The following CSMD1 variants were observed in gnomAD, a reference collection of about 807,000 sequenced individuals.
CSMD1 encodes the protein CUB and Sushi multiple domains 1.
CSMD1 carries 213 observed loss-of-function variants against 417.5 expected under a neutral mutation model. That is an observed-to-expected ratio of 0.51 (90% CI 0.46 to 0.57). The LOEUF is 0.57. Ranked by LOEUF, CSMD1 falls within the 20% of genes least tolerant of loss-of-function variation. The pLI is 0.00. For missense variants in CSMD1, 6,923 were observed against 4,529.7 expected, an observed-to-expected ratio of 1.53 and a Z score of -15.17; for synonymous variants, 2,862 against 1,736.8, an observed-to-expected ratio of 1.65 and a Z score of -16.11.
intron 3 of CSMD1, among the ~76,000 whole-genome samples, chr8:4,079,889 C>T (rs1189768535): frequency 6.6e-6 from 1 of 151,998 alleles, no homozygotes; most frequent in Non-Finnish European, 1.5e-5. Context: ...TAGGCTGGGG[C>T]AGAAGGGCCA....
At chr8:4,623,765 G>GA (rs1801922934) in intron 2 of CSMD1, among the ~76,000 whole-genome samples, 1 of 151,844 alleles carries the variant, frequency 6.6e-6, no homozygotes, top group Admixed American at 6.6e-5. Context: ...CATATAATTT[G>GA]GCATATATAA....
rs369172242 is a variant in CSMD1, at chr8:4,784,731, G to C, written c.86-147173C>G. ...ATAATGTATTGGAATGTTAATAAGA[G>C]ATTTAAATGAAGTCATATCTGCAAA... On this transcript the variant is annotated intron_variant, in intron 1 of 69. Transcript: ENST00000635120. Among the ~76,000 whole-genome samples the C allele has an allele frequency of 7.9e-5, 12 of 152,294 alleles. No individual in the cohort carries two copies. The South Asian group carries it at 1.5e-3, about 18-fold the overall frequency.
At chr8:4,333,931 A>T (rs946926699) in intron 3 of CSMD1, among the ~76,000 whole-genome samples, 1 of 152,082 alleles carries the variant, frequency 6.6e-6, no homozygotes, top group South Asian at 2.1e-4. Flanking sequence ...TCACTCTGTC[A>T]TCCAGACTGG....
intron 26 of CSMD1, among the ~76,000 whole-genome samples, chr8:3,241,494 G>A (rs556002620): frequency 1.9e-4 from 29 of 152,304 alleles, no homozygotes; most frequent in Admixed American, 1.2e-3. Context: ...CCACTAAGCC[G>A]AGAAGATCTG....
intron 33 of CSMD1, among the ~76,000 whole-genome samples, 155 bp from the exon 34 acceptor site, chr8:3,190,270 G>T (rs550788469): frequency 2.8e-5 from 3 of 106,012 alleles, no homozygotes; most frequent in Non-Finnish European, 6.1e-5. Context: ...GATTTGAGGC[G>T]CTGGGACCAC....
chr8:4,542,152 C>A (rs920340963), intron 2 of CSMD1, among the ~76,000 whole-genome samples: 2 of 152,128 alleles, frequency 1.3e-5, no homozygotes, highest in Non-Finnish European at 2.9e-5. Context: ...TATACTGAAT[C>A]CACATTCTTA....
chr8:4,058,307 G>C (rs113114622), intron 3 of CSMD1, among the ~76,000 whole-genome samples: 1 of 152,068 alleles, frequency 6.6e-6, no homozygotes, highest in South Asian at 2.1e-4. Flanking sequence ...CTGTGAATGG[G>C]AGTTCACTCA....
chr8:4,270,738 T>C (rs1301891045), intron 3 of CSMD1, among the ~76,000 whole-genome samples: 1 of 152,214 alleles, frequency 6.6e-6, no homozygotes, highest in Non-Finnish European at 1.5e-5. Context: ...AATATTGTGT[T>C]TGAGGACAGT....
chr8:4,324,453 G>A (rs1799439489), intron 3 of CSMD1, among the ~76,000 whole-genome samples: 1 of 152,208 alleles, frequency 6.6e-6, no homozygotes, highest in Admixed American at 6.5e-5. Context: ...AGTGAACACA[G>A]CAAACCAAGC....
At chr8:4,251,181 A>C (rs1351423763) in intron 3 of CSMD1, among the ~76,000 whole-genome samples, 2 of 152,196 alleles carry the variant, frequency 1.3e-5, no homozygotes, top group Non-Finnish European at 2.9e-5. Flanking sequence ...AAGGAATATA[A>C]TAGAAAGTGA....
chr8:4,698,659 C>T (rs1033269833), intron 1 of CSMD1, among the ~76,000 whole-genome samples: 1 of 147,572 alleles, frequency 6.8e-6, no homozygotes, highest in South Asian at 2.2e-4. Flanking sequence ...AGGGAGAAGA[C>T]AGGAAGACAG....
intron 2 of CSMD1, among the ~76,000 whole-genome samples, chr8:4,634,413 A>T (rs1262408437): frequency 1.3e-5 from 2 of 152,204 alleles, no homozygotes; most frequent in African/African-American, 4.8e-5. Flanking sequence ...ATGTGAAAGA[A>T]ATTTATTGAT....
chr8:4,861,883 CAG>C (rs1487831790), intron 1 of CSMD1, among the ~76,000 whole-genome samples: 20 of 152,010 alleles, frequency 1.3e-4, no homozygotes, highest in African/African-American at 3.9e-4. Context: ...GGAAGAGAGA[CAG>C]AGGGAGAACC....
In CSMD1 at chr8:3,409,550, C is replaced by G. The variant is rs185713105; in HGVS notation, c.1617G>C (p.Thr539=). ...DPGIPAYGKR[T]GSSFLHGDTL... ...TATCTCCATGGAGGAAACTGCTGCC[C>G]GTCCGCTTCCCATAGGCGGGGATTC... The change falls in exon 13 of 70, where the codon ACG becomes ACC. Residue 539 remains threonine, a synonymous_variant. Coordinates refer to ENST00000635120, the MANE Select transcript of CSMD1 (RefSeq NM_033225.6). 2 of 1,610,776 alleles carry G rather than the reference C, an allele frequency of 1.2e-6. No individual in the cohort carries two copies.
intron 5 of CSMD1, among the ~76,000 whole-genome samples, chr8:3,913,345 A>T (rs933008388): frequency 6.6e-6 from 1 of 152,130 alleles, no homozygotes; most frequent in African/African-American, 2.4e-5. Flanking sequence ...GGCCAATCCG[A>T]TATCAGAACA....
intron 3 of CSMD1, among the ~76,000 whole-genome samples, chr8:4,172,560 C>G (rs1057000483): frequency 2.6e-5 from 4 of 152,026 alleles, no homozygotes; most frequent in Non-Finnish European, 4.4e-5. Flanking sequence ...AAGTGAGGCT[C>G]CACAAATCCA....
intron 3 of CSMD1, among the ~76,000 whole-genome samples, chr8:4,164,069 C>A (rs1797317027): frequency 6.6e-6 from 1 of 151,906 alleles, no homozygotes; most frequent in Admixed American, 6.6e-5. Flanking sequence ...ATAAACATTA[C>A]ATTAAGAAAA....
intron 5 of CSMD1, among the ~76,000 whole-genome samples, chr8:3,871,325 A>T (rs1410086049): frequency 1.3e-5 from 2 of 152,132 alleles, no homozygotes; most frequent in African/African-American, 4.8e-5. Flanking sequence ...GGAAAATCAC[A>T]ACATCATAGT....
chr8:3,970,789 G>C (rs957120119), intron 5 of CSMD1, among the ~76,000 whole-genome samples: 19 of 152,046 alleles, frequency 1.2e-4, no homozygotes, highest in African/African-American at 4.6e-4. Context: ...TTTCACTCTT[G>C]TTACCCAGGC....
Sources: allele counts gnomAD v4.1 joint callset (sites outside exome capture counted in the v4.1 genomes callset), GRCh38; gene constraint gnomAD v4.1.1; transcripts MANE v1.5; gene names NCBI Gene and HGNC (gene_info 2026-07-23, HGNC 2026-07-21).